XPO1: variants seen among roughly 807,000 people sequenced by gnomAD.
XPO1 encodes the protein exportin-1.
A neutral mutation model predicts 133.3 loss-of-function variants in XPO1; 5 were observed. The ratio of observed to expected loss-of-function variants is 0.04; its 90% CI spans 0.02 to 0.08. The LOEUF is 0.08. Ranked by LOEUF, XPO1 falls within the 10% of genes least tolerant of loss-of-function variation. The pLI, the probability that XPO1 is intolerant of heterozygous loss-of-function variation, is 1.00. For synonymous variants in XPO1, 419 were observed against 408.2 expected (o/e 1.03, Z -0.32); for missense variants, 506 against 1,267.5 (o/e 0.40, Z 9.12).
intron 4 of XPO1, among the ~76,000 whole-genome samples, chr2:61,505,531 A>G (rs1395279184): frequency 6.6e-6 from 1 of 151,740 alleles, no homozygotes; most frequent in Non-Finnish European, 1.5e-5. Context: ...ACCCTGGACT[A>G]CAAGTAGATG....
chr2:61,518,388 T>TAA (rs986949403), intron 4 of XPO1, among the ~76,000 whole-genome samples: 2 of 125,642 alleles, frequency 1.6e-5, no homozygotes, highest in African/African-American at 3.2e-5. Flanking sequence ...CCGTCTCTAC[T>TAA]AAAAAAAAAA....
Position 61,478,090 on chromosome 2 carries a change from A to G in XPO1, c.*730T>C, listed in dbSNP as rs528570821. 4.3e-6 allele frequency: 1 copy of G among 232,932 alleles called. No homozygotes were observed. Among genetic ancestry groups the G allele is most frequent in the Non-Finnish European group, 8.5e-6 (1 of 117,524 alleles). The allele number at this position is 232,932 out of a possible 1,614,324, so 14.4% of individuals were successfully genotyped here. ...GATGCAGCCTATTCTAACAGGATAA[A>G]TATTTTTAACCATTTCACTTCGAGT... On this transcript the variant is annotated 3_prime_UTR_variant, in exon 25 of 25. Coordinates refer to ENST00000401558, the MANE Select transcript of XPO1 (RefSeq NM_003400.4).
At chr2:61,504,296 T>A (rs138523405) in intron 4 of XPO1, among the ~76,000 whole-genome samples, 2 of 152,366 alleles carry the variant, frequency 1.3e-5, no homozygotes, top group East Asian at 3.9e-4. Context: ...GCTGAGCATC[T>A]ACTATAGGTT....
intron 3 of XPO1, among the ~76,000 whole-genome samples, chr2:61,524,021 A>G (rs952268913): frequency 6.6e-6 from 1 of 152,238 alleles, no homozygotes; most frequent in African/African-American, 2.4e-5. Context: ...TTTTAAAAAC[A>G]TATCTATTTA....
intron 4 of XPO1, among the ~76,000 whole-genome samples, chr2:61,518,952 A>G (rs990193168): frequency 3.9e-5 from 6 of 152,102 alleles, no homozygotes; most frequent in African/African-American, 1.4e-4. Context: ...CTTTCTAATT[A>G]TGTCTATCTT....
At chr2:61,530,525 C>T (rs1051751751) in intron 2 of XPO1, among the ~76,000 whole-genome samples, 11 of 152,026 alleles carry the variant, frequency 7.2e-5, no homozygotes, top group African/African-American at 2.2e-4. Flanking sequence ...TTGGAGAAAA[C>T]ATCCAACTCT....
chr2:61,531,793 A>G (rs1699163316), intron 2 of XPO1, among the ~76,000 whole-genome samples: 1 of 152,256 alleles, frequency 6.6e-6, no homozygotes, highest in Non-Finnish European at 1.5e-5. Flanking sequence ...AGCATGAGTA[A>G]CAACTAAATG....
chr2:61,514,593 T>TAAAAAA (rs562982187), intron 4 of XPO1, among the ~76,000 whole-genome samples: 3 of 125,856 alleles, frequency 2.4e-5, no homozygotes, highest in Admixed American at 1.6e-4. Flanking sequence ...ACTCTGTCTT[T>TAAAAAA]AAAAAAAAAA....
At chr2:61,506,685 T>A (rs1697835254) in intron 4 of XPO1, among the ~76,000 whole-genome samples, 1 of 142,036 alleles carries the variant, frequency 7.0e-6, no homozygotes. Context: ...AGACTCCACC[T>A]CAAATAAATA....
At chr2:61,486,146 A>G (rs1696681420) in intron 19 of XPO1, among the ~76,000 whole-genome samples, 184 bp from the exon 20 acceptor site, 1 of 152,080 alleles carries the variant, frequency 6.6e-6, no homozygotes, top group African/African-American at 2.4e-5. Context: ...GGAAATCACA[A>G]TGGGTTGGGA....
At chr2:61,511,650 G>A (rs919466664) in intron 4 of XPO1, among the ~76,000 whole-genome samples, 3 of 152,178 alleles carry the variant, frequency 2.0e-5, no homozygotes, top group African/African-American at 7.2e-5. Context: ...GGGCTCAAGA[G>A]AGCCTCCCAA....
In XPO1 at chr2:61,522,679, T is replaced by C; in HGVS notation, c.233A>G (p.Tyr78Cys). Residue 78 changes from tyrosine (Y) to cysteine (C), a missense_variant, in exon 4 of 25, where the codon TAT becomes TGT. Physicochemically the swap from Tyr to Cys is radical, Grantham distance 194. Coordinates refer to ENST00000401558, the MANE Select transcript of XPO1 (RefSeq NM_003400.4). ...EFSQNMNTKY[Y>C]GLQILENVIK... ...CACATTTTCCAAAATTTGTAGTCCATAGTACTGAAAATTGGAGAATAGAAG... is the reference window on the plus strand; with the variant it reads ...CACATTTTCCAAAATTTGTAGTCCACAGTACTGAAAATTGGAGAATAGAAG... The C allele has an allele frequency of 6.2e-7, 1 of 1,612,380 alleles. No homozygotes were observed.
intron 4 of XPO1, 117 bp downstream of exon 4, chr2:61,522,494 A>T: frequency 2.4e-6 from 2 of 833,982 alleles, no homozygotes; most frequent in South Asian, 3.4e-5. Context: ...TAAAAGCAAT[A>T]AGCTCCATTA....
chr2:61,489,945 C>T (rs901682425), intron 17 of XPO1, among the ~76,000 whole-genome samples: 1 of 149,484 alleles, frequency 6.7e-6, no homozygotes, highest in Non-Finnish European at 1.5e-5. Flanking sequence ...GGCTGGAGTG[C>T]AGTGGCATGC....
chr2:61,491,920 T>A (rs942359964), intron 16 of XPO1, 115 bp downstream of exon 16: 120 of 1,302,208 alleles, frequency 9.2e-5, no homozygotes, highest in Non-Finnish European at 1.2e-4. Context: ...GAAAGAAAAT[T>A]TAATCAGAAA....
At chr2:61,504,826 C>T (rs1322958962) in intron 4 of XPO1, among the ~76,000 whole-genome samples, 1 of 152,084 alleles carries the variant, frequency 6.6e-6, no homozygotes, top group Non-Finnish European at 1.5e-5. Context: ...CCATTTCCCA[C>T]AATATCCCAA....
chr2:61,489,820 C>T (rs1696883570), intron 17 of XPO1, among the ~76,000 whole-genome samples: 1 of 152,038 alleles, frequency 6.6e-6, no homozygotes, highest in Non-Finnish European at 1.5e-5. Context: ...TCCCAAAGTG[C>T]TGGGATTACA....
intron 4 of XPO1, 59 bp from the exon 5 acceptor site, chr2:61,502,369 A>G: frequency 3.4e-6 from 5 of 1,476,762 alleles, no homozygotes; most frequent in Non-Finnish European, 4.7e-6. Flanking sequence ...GCATGCAAAT[A>G]AATTTTGAGA....
intron 17 of XPO1, among the ~76,000 whole-genome samples, chr2:61,489,757 C>T (rs978861592): frequency 2.6e-4 from 39 of 151,948 alleles, no homozygotes; most frequent in African/African-American, 7.7e-4. Flanking sequence ...GGTTTCACTG[C>T]GTTAGCCATG....
Sources: gnomAD v4.1 joint callset for allele counts (sites outside exome capture counted in the v4.1 genomes callset) on GRCh38, gnomAD v4.1.1 for gene constraint, MANE v1.5 for transcripts, NCBI Gene and HGNC (gene_info 2026-07-23, HGNC 2026-07-21) for gene names.